Variants in MED12L observed in about 807,000 individuals in gnomAD.
MED12L encodes mediator of RNA polymerase II transcription subunit 12-like protein.
A neutral mutation model predicts 281.3 loss-of-function variants in MED12L; 60 were observed. The ratio of observed to expected loss-of-function variants is 0.21; its 90% CI spans 0.17 to 0.26. The LOEUF (loss-of-function observed/expected upper bound fraction) is 0.26, where lower values mean the gene tolerates loss of function less well. MED12L is among the 10% of genes least tolerant of loss of function. The pLI is 1.00. For synonymous variants in MED12L, 974 were observed against 987.2 expected (o/e 0.99, Z 0.25); for missense variants, 2,146 against 2,680.9 (o/e 0.80, Z 4.41).
intron 43 of MED12L, among the ~76,000 whole-genome samples, chr3:151,421,100 G>A (rs544693079): frequency 7.9e-5 from 12 of 152,278 alleles, no homozygotes; most frequent in South Asian, 2.1e-4. Flanking sequence ...GGAAGTCCAC[G>A]TTGCTGAGCC....
intron 16 of MED12L, among the ~76,000 whole-genome samples, chr3:151,219,118 G>A (rs937919934): frequency 1.3e-5 from 2 of 152,174 alleles, no homozygotes; most frequent in Non-Finnish European, 2.9e-5. Flanking sequence ...GGAGCATTGT[G>A]TAGAAAGAAT....
Position 151,364,414 on chromosome 3 carries a change from A to G in MED12L, c.2958-565A>G, listed in dbSNP as rs187230864. ...ATAATAGTTTTTTCACTTCCATAGA[A>G]TTTGTGTATTATCCATATCCCCTTA... On this transcript the variant is annotated intron_variant, in intron 21 of 44. Transcript: ENST00000687756. Among the ~76,000 whole-genome samples, 25 of 152,312 alleles carry G rather than the reference A, an allele frequency of 1.6e-4. No homozygotes were observed. In the East Asian group the frequency reaches 2.5e-3, roughly 15 times the overall value.
At chr3:151,163,827 C>T in intron 8 of MED12L, 66 bp from the exon 9 acceptor site, 7 of 1,451,340 alleles carry the variant, frequency 4.8e-6, no homozygotes, top group Non-Finnish European at 6.6e-6. Flanking sequence ...GTCGTTTTTA[C>T]TGTTTAGCTA....
Position 151,378,288 on chromosome 3 carries a change from A to G in MED12L, c.4478+115A>G. 16 of 1,093,680 alleles carry G rather than the reference A, an allele frequency of 1.5e-5. No homozygotes were observed. The South Asian group carries it at 1.9e-4, about 13-fold the overall frequency. The allele number at this position is 1,093,680 out of a possible 1,614,324, so 67.7% of individuals were successfully genotyped here. On this transcript the variant is annotated intron_variant, in intron 31 of 44. Transcript: ENST00000687756. ...ACAGTCCACTGAAATTTAGTTTTTA[A>G]ATGGAACTGGGAATATTCTATTAGG...
At chr3:151,255,110 T>C (rs1298127173) in intron 16 of MED12L, among the ~76,000 whole-genome samples, 1 of 152,190 alleles carries the variant, frequency 6.6e-6, no homozygotes, top group Non-Finnish European at 1.5e-5. Flanking sequence ...ATAGGAACTT[T>C]CGAGTCACAA....
intron 16 of MED12L, among the ~76,000 whole-genome samples, chr3:151,230,294 C>T (rs899081955): frequency 3.9e-5 from 6 of 152,154 alleles, no homozygotes; most frequent in Non-Finnish European, 7.3e-5. Context: ...CTTGAATATG[C>T]GTGTCTGTTT....
intron 2 of MED12L, among the ~76,000 whole-genome samples, chr3:151,088,536 C>A (rs1719578005): frequency 6.6e-6 from 1 of 152,156 alleles, no homozygotes; most frequent in Non-Finnish European, 1.5e-5. Flanking sequence ...CTTACTCTGT[C>A]TTTCCAGAGG....
chr3:151,300,114 T>G (rs770958822), intron 16 of MED12L: 2 of 1,598,242 alleles, frequency 1.3e-6, no homozygotes, highest in South Asian at 1.1e-5. Context: ...TCAGTTGTGA[T>G]GCACTGTAAG....
chr3:151,412,727 A>C (rs1350327526), intron 41 of MED12L, among the ~76,000 whole-genome samples: 1 of 152,202 alleles, frequency 6.6e-6, no homozygotes, highest in Non-Finnish European at 1.5e-5. Context: ...TTGCTTTCTT[A>C]ATAAGTTACC....
intron 38 of MED12L, 61 bp downstream of exon 38, chr3:151,390,196 T>C (rs763195560): frequency 6.4e-7 from 1 of 1,550,674 alleles, no homozygotes; most frequent in East Asian, 2.3e-5. Context: ...TTCTCTTTGC[T>C]TTTAACCTGA....
chr3:151,382,157 T>C (rs1463717556), intron 32 of MED12L, among the ~76,000 whole-genome samples: 1 of 152,148 alleles, frequency 6.6e-6, no homozygotes, highest in East Asian at 1.9e-4. Context: ...ATGTCTGCAA[T>C]GCCATATTTT....
At chr3:151,428,183 T>C (rs1178385351) in intron 43 of MED12L, among the ~76,000 whole-genome samples, 1 of 152,224 alleles carries the variant, frequency 6.6e-6, no homozygotes, top group Non-Finnish European at 1.5e-5. Flanking sequence ...CTTAGGACTT[T>C]GGATAAGAGA....
At position 151,317,436 on chromosome 3, in the gene MED12L, C is replaced by CTTT. The variant is rs1164820615; in HGVS notation, c.2251-32595_2251-32593dup. Among the ~76,000 whole-genome samples, 75 of 58,732 alleles carry CTTT rather than the reference C, an allele frequency of 1.3e-3. 17 individuals are homozygous for CTTT. Among genetic ancestry groups the CTTT allele is most frequent in the Admixed American group, 1.9e-3 (7 of 3,744 alleles). 38.5% of individuals were successfully genotyped at this position (58,732 alleles called of 152,430 possible). Reference sequence around the variant, plus strand: ...ATGACAAATTTATATAATCATATCACTTTTTTTTTTTTTTTTTTTTTTTTT... The same window carrying CTTT: ...ATGACAAATTTATATAATCATATCACTTTTTTTTTTTTTTTTTTTTTTTTTTTT... On this transcript the variant is annotated intron_variant, in intron 16 of 44. Coordinates refer to ENST00000687756, the MANE Select transcript of MED12L (RefSeq NM_001393769.1).
chr3:151,408,249 G>C (rs917320638), intron 39 of MED12L, among the ~76,000 whole-genome samples: 5 of 152,204 alleles, frequency 3.3e-5, no homozygotes, highest in Non-Finnish European at 7.4e-5. Context: ...GTAAGAACCA[G>C]AAGCCCAGCC....
intron 16 of MED12L, among the ~76,000 whole-genome samples, chr3:151,281,811 T>C (rs1742852603): frequency 6.6e-6 from 1 of 152,138 alleles, no homozygotes; most frequent in Non-Finnish European, 1.5e-5. Flanking sequence ...CTCTGCCTTA[T>C]TAGTAATAGG....
At chr3:151,231,184 T>A (rs1174758229) in intron 16 of MED12L, among the ~76,000 whole-genome samples, 1 of 152,200 alleles carries the variant, frequency 6.6e-6, no homozygotes. Context: ...AAAGCTCTTG[T>A]TTACAGGAGA....
intron 2 of MED12L, among the ~76,000 whole-genome samples, chr3:151,114,316 G>C (rs142944227): frequency 6.6e-6 from 1 of 152,090 alleles, no homozygotes. Context: ...TTCCTATAGC[G>C]GGGTCTTTTG....
At chr3:151,155,992 G>A (rs1416403411) in intron 5 of MED12L, among the ~76,000 whole-genome samples, 169 bp from the exon 6 acceptor site, 1 of 152,198 alleles carries the variant, frequency 6.6e-6, no homozygotes, top group Admixed American at 6.5e-5. Flanking sequence ...TAAGGGCTTT[G>A]GGTGGGTATC....
At chr3:151,344,356 GT>G (rs1236189159) in intron 16 of MED12L, among the ~76,000 whole-genome samples, 1 of 151,354 alleles carries the variant, frequency 6.6e-6, no homozygotes, top group Non-Finnish European at 1.5e-5. Context: ...CCTCATCCAT[GT>G]GCACACCCAT....
Sources: allele counts gnomAD v4.1 joint callset (sites outside exome capture counted in the v4.1 genomes callset), GRCh38; gene constraint gnomAD v4.1.1; transcripts MANE v1.5; gene names NCBI Gene and HGNC (gene_info 2026-07-23, HGNC 2026-07-21).